CAST: variants seen among roughly 807,000 people sequenced by gnomAD.
CAST encodes MIR583 host.
CAST carries 76 observed loss-of-function variants against 119.6 expected under a neutral mutation model. The ratio of observed to expected loss-of-function variants is 0.64; its 90% CI spans 0.53 to 0.77. The LOEUF (loss-of-function observed/expected upper bound fraction) is 0.77. CAST is among the 30% of genes least tolerant of loss of function. CAST has a pLI of 0.00. For synonymous variants in CAST, 319 were observed against 331.6 expected (o/e 0.96, Z 0.41); for missense variants, 953 against 946.5 (o/e 1.01, Z -0.09).
At chr5:95,978,337 C>G in the CAST span, among the ~76,000 whole-genome samples, 1 of 152,192 alleles carries the variant, frequency 6.6e-6, no homozygotes, top group Non-Finnish European at 1.5e-5. Flanking sequence ...TAATTATAGC[C>G]ATTCTGACTG....
chr5:96,325,298 T>G, the CAST span, among the ~76,000 whole-genome samples: 8 of 152,162 alleles, frequency 5.3e-5, no homozygotes, highest in African/African-American at 1.4e-4. Flanking sequence ...TTCCTATGCA[T>G]GCTTATTTGC....
the CAST span, among the ~76,000 whole-genome samples, chr5:96,498,853 T>C: frequency 1.3e-5 from 2 of 152,078 alleles, no homozygotes; most frequent in African/African-American, 4.8e-5. Flanking sequence ...CAGTGACTGA[T>C]GGACATGGGG....
At chr5:96,235,865 A>G in the CAST span, among the ~76,000 whole-genome samples, 1 of 152,144 alleles carries the variant, frequency 6.6e-6, no homozygotes, top group Non-Finnish European at 1.5e-5. Flanking sequence ...CTCCTCTGCG[A>G]GTAACTTGGG....
the CAST span, among the ~76,000 whole-genome samples, chr5:96,476,465 T>C: frequency 6.6e-6 from 1 of 152,210 alleles, no homozygotes; most frequent in Non-Finnish European, 1.5e-5. Flanking sequence ...ATACTAGGAA[T>C]TATGAAAATA....
chr5:95,963,421 C>T, the CAST span, among the ~76,000 whole-genome samples: 1 of 152,192 alleles, frequency 6.6e-6, no homozygotes, highest in Non-Finnish European at 1.5e-5. Flanking sequence ...TACTCCATCA[C>T]AGGAAAACAG....
At chr5:96,665,660 A>G (rs1749222511) in intron 1 of CAST, among the ~76,000 whole-genome samples, 1 of 152,142 alleles carries the variant, frequency 6.6e-6, no homozygotes, top group Non-Finnish European at 1.5e-5. Flanking sequence ...ATATAGCTTC[A>G]GGGAGTTCAG....
chr5:96,312,318 G>T, the CAST span, among the ~76,000 whole-genome samples: 3 of 152,184 alleles, frequency 2.0e-5, no homozygotes, highest in East Asian at 3.9e-4. Flanking sequence ...AGTGCCAGAT[G>T]TCCTCTAAGA....
At chr5:96,025,856 C>T in the CAST span, among the ~76,000 whole-genome samples, 2 of 152,186 alleles carry the variant, frequency 1.3e-5, no homozygotes, top group African/African-American at 4.8e-5. Context: ...GACTATCCAT[C>T]CCTACTCGAG....
intron 22 of CAST, 104 bp downstream of exon 22, chr5:96,754,845 C>A: frequency 1.4e-6 from 1 of 705,352 alleles, no homozygotes; most frequent in Non-Finnish European, 2.5e-6. Flanking sequence ...GATCTTGTTT[C>A]TTCATATTTC....
chr5:96,254,013 T>C, the CAST span, among the ~76,000 whole-genome samples: 1 of 151,520 alleles, frequency 6.6e-6, no homozygotes, highest in Non-Finnish European at 1.5e-5. Context: ...CAGACATTCC[T>C]TGGGATTGGG....
the CAST span, among the ~76,000 whole-genome samples, chr5:96,122,533 C>G: frequency 4.6e-5 from 7 of 152,008 alleles, no homozygotes; most frequent in Non-Finnish European, 1.0e-4. Context: ...AGATAAATTC[C>G]AGTTAAGGTA....
intron 16 of CAST, chr5:96,743,404 A>G (rs955306097): frequency 6.3e-5 from 28 of 445,830 alleles, no homozygotes; most frequent in Non-Finnish European, 1.1e-4. Flanking sequence ...GAAAGGAGAG[A>G]GTTGCCGGTT....
At chr5:96,748,778 A>G (rs576125132) in intron 19 of CAST, 165 bp downstream of exon 19, 21 of 533,036 alleles carry the variant, frequency 3.9e-5, no homozygotes, top group Admixed American at 3.9e-4. Context: ...TTCTGCCCCA[A>G]CCTAACCCTG....
the CAST span, among the ~76,000 whole-genome samples, chr5:96,445,860 T>A: frequency 6.6e-6 from 1 of 152,156 alleles, no homozygotes; most frequent in Non-Finnish European, 1.5e-5. Flanking sequence ...AATAATCTTT[T>A]TCTTTTGAGG....
intron 16 of CAST, among the ~76,000 whole-genome samples, chr5:96,744,121 T>C (rs1763247437): frequency 6.6e-6 from 1 of 152,206 alleles, no homozygotes; most frequent in African/African-American, 2.4e-5. Context: ...AGTTTGGGAA[T>C]GCATATGAAT....
chr5:96,604,419 T>C (rs1284066301), intron 1 of CAST, among the ~76,000 whole-genome samples: 4 of 152,242 alleles, frequency 2.6e-5, no homozygotes, highest in Non-Finnish European at 4.4e-5. Flanking sequence ...CACATACTCA[T>C]GTCCAGCACC....
At chr5:96,550,356 G>A (rs1027343974) in intron 1 of CAST, among the ~76,000 whole-genome samples, 3 of 152,142 alleles carry the variant, frequency 2.0e-5, no homozygotes, top group Non-Finnish European at 2.9e-5. Flanking sequence ...CAAACAGAAA[G>A]GAATAGCATC....
At chr5:96,337,831 G>T in the CAST span, among the ~76,000 whole-genome samples, 120 of 152,306 alleles carry the variant, frequency 7.9e-4, 1 homozygote, top group African/African-American at 2.7e-3. Flanking sequence ...CTCTTCATTA[G>T]TTTACTGTCT....
chr5:96,045,927 G>C, the CAST span, among the ~76,000 whole-genome samples: 3 of 152,096 alleles, frequency 2.0e-5, no homozygotes. Context: ...AAGTGACAAG[G>C]GGGTATGTTA....
Sources: gnomAD v4.1 joint callset for allele counts (sites outside exome capture counted in the v4.1 genomes callset) on GRCh38, gnomAD v4.1.1 for gene constraint, MANE v1.5 for transcripts, NCBI Gene and HGNC (gene_info 2026-07-23, HGNC 2026-07-21) for gene names.